HS3ST2: variants seen among roughly 807,000 people sequenced by gnomAD.
HS3ST2 encodes the protein heparan sulfate glucosamine 3-O-sulfotransferase 2.
HS3ST2 carries 17 observed loss-of-function variants against 26.3 expected under a neutral mutation model. The ratio of observed to expected loss-of-function variants is 0.65; its 90% confidence interval spans 0.44 to 0.97. The LOEUF is 0.97. Among genes scored for constraint, HS3ST2 ranks in the 50% least tolerant of loss-of-function variants. The probability of loss-of-function intolerance (pLI) is 0.00; values close to 1 mark genes in which losing one functional copy is unlikely to be tolerated. For missense variants in HS3ST2, 402 were observed against 501.2 expected, an observed-to-expected ratio of 0.80 and a Z score of 1.89; for synonymous variants, 237 against 219.2, an observed-to-expected ratio of 1.08 and a Z score of -0.72.
At chr16:22,857,467 A>G (rs1901612076) in intron 1 of HS3ST2, among the ~76,000 whole-genome samples, 1 of 152,204 alleles carries the variant, frequency 6.6e-6, no homozygotes. Flanking sequence ...TTTCCTTTCC[A>G]GCCTCATTTC....
chr16:22,900,638 GA>G (rs1286197708), intron 1 of HS3ST2, among the ~76,000 whole-genome samples: 3 of 151,856 alleles, frequency 2.0e-5, no homozygotes, highest in African/African-American at 7.3e-5. Context: ...AGAAATAACT[GA>G]AGTGTGTATG....
chr16:22,832,588 G>T (rs1486152723), intron 1 of HS3ST2, among the ~76,000 whole-genome samples: 1 of 151,986 alleles, frequency 6.6e-6, no homozygotes, highest in East Asian at 1.9e-4. Flanking sequence ...TGAGGCCAGG[G>T]TGGCCAGCAT....
At chr16:22,893,839 G>A (rs1488639468) in intron 1 of HS3ST2, among the ~76,000 whole-genome samples, 1 of 151,986 alleles carries the variant, frequency 6.6e-6, no homozygotes, top group Non-Finnish European at 1.5e-5. Flanking sequence ...CCAGACTGGA[G>A]TGCAGGGACA....
At chr16:22,888,476 T>C (rs1902092932) in intron 1 of HS3ST2, among the ~76,000 whole-genome samples, 1 of 142,242 alleles carries the variant, frequency 7.0e-6, no homozygotes, top group Admixed American at 7.8e-5. Flanking sequence ...AACCTCCACC[T>C]CCCGGGTTCA....
chr16:22,844,557 A>G (rs1054468856), intron 1 of HS3ST2, among the ~76,000 whole-genome samples: 1 of 152,094 alleles, frequency 6.6e-6, no homozygotes, highest in African/African-American at 2.4e-5. Context: ...GTTGAATTGT[A>G]ATCCTCAGTG....
At chr16:22,857,915 A>G (rs138009753) in intron 1 of HS3ST2, among the ~76,000 whole-genome samples, 1 of 152,106 alleles carries the variant, frequency 6.6e-6, no homozygotes, top group East Asian at 1.9e-4. Flanking sequence ...CACTCAGTAC[A>G]TTGGAGGGGA....
intron 1 of HS3ST2, among the ~76,000 whole-genome samples, chr16:22,899,239 G>C (rs1048560163): frequency 2.0e-5 from 3 of 152,196 alleles, no homozygotes; most frequent in African/African-American, 7.2e-5. Context: ...GGACAATTCA[G>C]GCAGGAAACT....
chr16:22,818,099 C>T (rs920709846), intron 1 of HS3ST2, among the ~76,000 whole-genome samples: 18 of 152,196 alleles, frequency 1.2e-4, no homozygotes, highest in African/African-American at 4.3e-4. Flanking sequence ...TTCTGCCATG[C>T]CATCTCTGAT....
At chr16:22,838,834 T>G (rs1901312340) in intron 1 of HS3ST2, among the ~76,000 whole-genome samples, 1 of 150,892 alleles carries the variant, frequency 6.6e-6, no homozygotes, top group Non-Finnish European at 1.5e-5. Context: ...TGGGAGAGAG[T>G]TCAGGGGTTG....
chr16:22,875,748 C>A (rs1901906789), intron 1 of HS3ST2, among the ~76,000 whole-genome samples: 1 of 152,184 alleles, frequency 6.6e-6, no homozygotes, highest in East Asian at 1.9e-4. Context: ...CATTTATTCA[C>A]CACTTACTGG....
intron 1 of HS3ST2, among the ~76,000 whole-genome samples, chr16:22,817,905 G>T (rs916355133): frequency 6.6e-6 from 1 of 152,170 alleles, no homozygotes; most frequent in Non-Finnish European, 1.5e-5. Flanking sequence ...TCTTTCTGTG[G>T]GTAAATGGAG....
intron 1 of HS3ST2, among the ~76,000 whole-genome samples, chr16:22,816,823 A>G (rs1460520840): frequency 2.0e-5 from 3 of 152,212 alleles, no homozygotes; most frequent in African/African-American, 4.8e-5. Context: ...GAAAATCTGA[A>G]GATCATTATG....
rs193114278 is a variant in HS3ST2, at chr16:22,865,481, A to G, written c.486-49463A>G. On this transcript the variant is annotated intron_variant, in intron 1 of 1. Coordinates refer to ENST00000261374, the MANE Select transcript of HS3ST2 (RefSeq NM_006043.2). ...TGAGGCAGGAGAATTGCTTGAACCC[A>G]GGAGGCGGAGGTTGCAGTGAGCCGA... 1.1e-3 allele frequency among the ~76,000 whole-genome samples: 172 copies of G among 150,806 alleles called. 1 individual carries two copies. Among genetic ancestry groups the G allele is most frequent in the African/African-American group, 4.0e-3 (164 of 41,016 alleles).
chr16:22,872,005 G>T (rs557514885), intron 1 of HS3ST2, among the ~76,000 whole-genome samples: 2 of 152,298 alleles, frequency 1.3e-5, no homozygotes, highest in South Asian at 4.1e-4. Context: ...GATGGTGCCA[G>T]TGCTTCTCCA....
intron 1 of HS3ST2, among the ~76,000 whole-genome samples, chr16:22,877,804 T>C (rs911063843): frequency 1.3e-5 from 2 of 152,224 alleles, no homozygotes; most frequent in Non-Finnish European, 2.9e-5. Context: ...GTTGCTTGTC[T>C]GACCAAGTAA....
chr16:22,903,079 A>C (rs993147197), intron 1 of HS3ST2, among the ~76,000 whole-genome samples: 9 of 151,892 alleles, frequency 5.9e-5, no homozygotes, highest in African/African-American at 2.2e-4. Flanking sequence ...TAACTTTTCC[A>C]TCTTTTCCTT....
intron 1 of HS3ST2, among the ~76,000 whole-genome samples, chr16:22,900,323 C>T (rs1902266229): frequency 6.6e-6 from 1 of 152,218 alleles, no homozygotes; most frequent in African/African-American, 2.4e-5. Flanking sequence ...CCATCACTGT[C>T]CCCATGTGCC....
intron 1 of HS3ST2, among the ~76,000 whole-genome samples, chr16:22,908,063 G>A (rs1315097319): frequency 6.6e-6 from 1 of 152,184 alleles, no homozygotes; most frequent in Non-Finnish European, 1.5e-5. Context: ...GGAGGTCGAG[G>A]CTGCAGTAAG....
chr16:22,889,091 C>T (rs975807802), intron 1 of HS3ST2, among the ~76,000 whole-genome samples: 4 of 152,234 alleles, frequency 2.6e-5, no homozygotes, highest in South Asian at 2.1e-4. Flanking sequence ...CAGTCGAGGT[C>T]GGCCCATCTT....
Sources: allele counts gnomAD v4.1 joint callset (sites outside exome capture counted in the v4.1 genomes callset), GRCh38; gene constraint gnomAD v4.1.1; transcripts MANE v1.5; gene names NCBI Gene and HGNC (gene_info 2026-07-23, HGNC 2026-07-21).